Variants in PLN observed in about 807,000 individuals in gnomAD.
The protein encoded by PLN is phospholamban.
Under a neutral mutation model 3.9 loss-of-function variants are expected in PLN, and 1 was observed. The observed-to-expected ratio is 0.26, with a 90% CI of 0.09 to 1.23. PLN has a LOEUF of 1.23. Ranked by LOEUF, PLN falls within the 50% of genes most tolerant of loss-of-function variation. The probability of loss-of-function intolerance (pLI) is 0.48; values close to 1 mark genes in which losing one functional copy is unlikely to be tolerated. For missense variants in PLN, 59 were observed against 62.7 expected, an observed-to-expected ratio of 0.94 and a Z score of 0.20; for synonymous variants, 21 against 20.5, an observed-to-expected ratio of 1.02 and a Z score of -0.07.
chr6:118,548,450 T>G (rs548610318), intron 1 of PLN, 58 bp downstream of exon 1: 1 of 152,246 alleles, frequency 6.6e-6, no homozygotes, highest in East Asian at 1.9e-4. Context: ...TCTTAATTCC[T>G]ATAATTTCTA....
At chr6:118,549,236 A>C (rs545484751) in intron 1 of PLN, among the ~76,000 whole-genome samples, 1 of 152,004 alleles carries the variant, frequency 6.6e-6, no homozygotes, top group South Asian at 2.1e-4. Flanking sequence ...TAGTTTTGTC[A>C]AGTTATTATC....
chr6:118,549,400 G>A (rs775579093), intron 1 of PLN, among the ~76,000 whole-genome samples: 12 of 151,598 alleles, frequency 7.9e-5, no homozygotes, highest in African/African-American at 1.2e-4. Context: ...TAAATGAAAC[G>A]TTTCCTCATT....
At chr6:118,552,733 A>G (rs1416982799) in intron 1 of PLN, among the ~76,000 whole-genome samples, 1 of 152,040 alleles carries the variant, frequency 6.6e-6, no homozygotes, top group East Asian at 1.9e-4. Context: ...AATCCCACAA[A>G]GAATAGTAAA....
chr6:118,551,477 G>T (rs1372607807), intron 1 of PLN, among the ~76,000 whole-genome samples: 1 of 151,032 alleles, frequency 6.6e-6, no homozygotes, highest in Non-Finnish European at 1.5e-5. Flanking sequence ...ACTCCTACAG[G>T]GTTAAGAAGA....
At position 118,554,654 on chromosome 6, in the gene PLN, C is replaced by A. The variant is rs547022012; in HGVS notation, c.-97-4171C>A. ...ATTGTGCTATAATCTGACAGATATCCTCATATAGATAACACTAAAGCCCTA... is the reference window on the plus strand; with the variant it reads ...ATTGTGCTATAATCTGACAGATATCATCATATAGATAACACTAAAGCCCTA... On this transcript the variant is annotated intron_variant, in intron 1 of 1. Transcript: ENST00000357525. 4.0e-4 allele frequency among the ~76,000 whole-genome samples: 61 copies of A among 152,264 alleles called. 1 individual carries two copies. The South Asian group carries it at 0.012, about 31-fold the overall frequency.
chr6:118,553,662 T>G (rs954568160), intron 1 of PLN, among the ~76,000 whole-genome samples: 12 of 152,346 alleles, frequency 7.9e-5, no homozygotes, highest in African/African-American at 2.9e-4. Context: ...TACACCCAAT[T>G]TGTTTCCAGA....
chr6:118,557,775 C>T (rs1215080517), intron 1 of PLN, among the ~76,000 whole-genome samples: 2 of 152,154 alleles, frequency 1.3e-5, no homozygotes, highest in Non-Finnish European at 2.9e-5. Context: ...CATACAAATG[C>T]ATGACAATAA....
At chr6:118,555,418 A>T (rs1338754498) in intron 1 of PLN, among the ~76,000 whole-genome samples, 1 of 114,610 alleles carries the variant, frequency 8.7e-6, no homozygotes, top group African/African-American at 3.4e-5. Context: ...ACACAGCAAG[A>T]CTGTCTCAAA....
chr6:118,560,967 A>T lies in PLN; in HGVS notation c.*1887A>T, dbSNP rs748655513. On this transcript the variant is annotated 3_prime_UTR_variant, in exon 2 of 2. Transcript: ENST00000357525. Reference sequence around the variant, plus strand: ...AAGAGTAGAGGATGTGTAATTAACCATATCTTCTAAAACATGGTTACTAAA... The same window carrying T: ...AAGAGTAGAGGATGTGTAATTAACCTTATCTTCTAAAACATGGTTACTAAA... 4.6e-5 allele frequency among the ~76,000 whole-genome samples: 7 copies of T among 152,222 alleles called. No individual in the cohort carries two copies. Among genetic ancestry groups the T allele is most frequent in the Admixed American group, 2.0e-4 (3 of 15,272 alleles).
intron 1 of PLN, among the ~76,000 whole-genome samples, chr6:118,557,788 G>A (rs1213299819): frequency 1.3e-5 from 2 of 152,116 alleles, no homozygotes; most frequent in Non-Finnish European, 2.9e-5. Flanking sequence ...GACAATAAAC[G>A]CTATGGCACA....
At chr6:118,550,661 T>C (rs1414052449) in intron 1 of PLN, among the ~76,000 whole-genome samples, 1 of 151,888 alleles carries the variant, frequency 6.6e-6, no homozygotes, top group Non-Finnish European at 1.5e-5. Flanking sequence ...TTAGGTTTTG[T>C]CACTAAGCCA....
At chr6:118,552,296 A>T (rs1204302926) in intron 1 of PLN, among the ~76,000 whole-genome samples, 1 of 152,086 alleles carries the variant, frequency 6.6e-6, no homozygotes, top group Non-Finnish European at 1.5e-5. Context: ...CACCAAAAAT[A>T]CTGAAGTTTG....
intron 1 of PLN, among the ~76,000 whole-genome samples, chr6:118,550,219 G>A (rs1209414650): frequency 1.3e-5 from 2 of 151,702 alleles, no homozygotes; most frequent in Non-Finnish European, 3.0e-5. Flanking sequence ...ATTTTAGTAG[G>A]CATAAAGGAA....
chr6:118,551,909 G>A (rs371017745), intron 1 of PLN, among the ~76,000 whole-genome samples: 3 of 151,942 alleles, frequency 2.0e-5, no homozygotes, highest in East Asian at 3.8e-4. Flanking sequence ...CAGATTCATC[G>A]TAAATCTAAT....
At chr6:118,549,279 TAGAA>T (rs986869353) in intron 1 of PLN, among the ~76,000 whole-genome samples, 2 of 151,872 alleles carry the variant, frequency 1.3e-5, no homozygotes, top group Non-Finnish European at 2.9e-5. Context: ...CTCTCGGATT[TAGAA>T]AGAAAGGAAA....
intron 1 of PLN, among the ~76,000 whole-genome samples, chr6:118,558,162 G>C (rs1778988371): frequency 6.6e-6 from 1 of 152,124 alleles, no homozygotes; most frequent in Non-Finnish European, 1.5e-5. Flanking sequence ...TGTTGGCCAG[G>C]CTGGTCTCAA....
In PLN at chr6:118,553,090, A is replaced by G. The variant is rs559366663; in HGVS notation, c.-98+4698A>G. Reference sequence around the variant, plus strand: ...ATATACAAGTTCAGAAAATCCCAAAACTATTTATGATTAGACTAACAGAAT... The same window carrying G: ...ATATACAAGTTCAGAAAATCCCAAAGCTATTTATGATTAGACTAACAGAAT... On this transcript the variant is annotated intron_variant, in intron 1 of 1. Transcript: ENST00000357525. Among the ~76,000 whole-genome samples the G allele has an allele frequency of 2.6e-5, 4 of 152,192 alleles. No individual in the cohort carries two copies. The South Asian group carries it at 8.3e-4, about 32-fold the overall frequency.
Position 118,558,843 on chromosome 6 carries a change from G to A in PLN, c.-79G>A. On this transcript the variant is annotated 5_prime_UTR_variant, in exon 2 of 2. Transcript: ENST00000357525. ...ATTCCAGGCTACCTAAAAGAAGACA[G>A]TTATCTCATATTTGGCTGCCAGCTT... The A allele has an allele frequency of 1.0e-6, 1 of 961,874 alleles. No homozygotes were observed. Among genetic ancestry groups the A allele is most frequent in the South Asian group, 1.3e-5 (1 of 75,858 alleles). 59.6% of individuals were successfully genotyped at this position (961,874 alleles called of 1,614,324 possible).
chr6:118,554,522 T>C (rs12153955), intron 1 of PLN, among the ~76,000 whole-genome samples: 17,221 of 152,210 alleles, frequency 0.11, 1,251 homozygotes, highest in African/African-American at 0.2. Context: ...TAGTGATTTA[T>C]TGAAGCATAC....
Sources: gnomAD v4.1 joint callset for allele counts (sites outside exome capture counted in the v4.1 genomes callset) on GRCh38, gnomAD v4.1.1 for gene constraint, MANE v1.5 for transcripts, NCBI Gene and HGNC (gene_info 2026-07-23, HGNC 2026-07-21) for gene names.